METTL25: variants seen among roughly 807,000 people sequenced by gnomAD.
METTL25 encodes the protein methyltransferase like 25.
In METTL25, 64 loss-of-function variants were observed where a neutral mutation model predicts 71.6. The observed-to-expected ratio is 0.89, with a 90% CI of 0.73 to 1.10. METTL25 has a LOEUF of 1.10. METTL25 is among the 50% of genes least tolerant of loss of function. The probability of loss-of-function intolerance (pLI) is 0.00; values close to 1 mark genes in which losing one functional copy is unlikely to be tolerated. For synonymous variants in METTL25, 287 were observed against 250.3 expected (o/e 1.15, Z -1.38); for missense variants, 807 against 707.0 (o/e 1.14, Z -1.60).
intron 2 of METTL25, among the ~76,000 whole-genome samples, chr12:82,388,032 G>A (rs1006431848): frequency 1.3e-5 from 2 of 151,724 alleles, no homozygotes; most frequent in African/African-American, 4.8e-5. Context: ...ATCTTAAATC[G>A]TTTCTTACCC....
At chr12:82,380,505 A>T (rs1340888486) in intron 1 of METTL25, among the ~76,000 whole-genome samples, 1 of 152,182 alleles carries the variant, frequency 6.6e-6, no homozygotes, top group Non-Finnish European at 1.5e-5. Context: ...ATGTGTATAT[A>T]TGTATTTGTT....
At chr12:82,412,820 A>G (rs913074643) in intron 5 of METTL25, among the ~76,000 whole-genome samples, 1 of 152,054 alleles carries the variant, frequency 6.6e-6, no homozygotes, top group Non-Finnish European at 1.5e-5. Flanking sequence ...CCAGTTTCTC[A>G]GTGGAATCTC....
chr12:82,457,083 A>G (rs778231179), intron 9 of METTL25, among the ~76,000 whole-genome samples: 1 of 151,984 alleles, frequency 6.6e-6, no homozygotes, highest in African/African-American at 2.4e-5. Flanking sequence ...AAATACAGTT[A>G]AAAAGCAGGA....
In METTL25 at chr12:82,464,035, A is replaced by G. The variant is rs76930098; in HGVS notation, c.1572+7215A>G. On this transcript the variant is annotated intron_variant, in intron 9 of 11. Transcript: ENST00000248306. ...TTCCCAGTTGGATGAAGAGTTTACA[A>G]ATATTTTCTTCTAGTCTGTAGATTG... Among the ~76,000 whole-genome samples, 22 of 152,048 alleles carry G rather than the reference A, an allele frequency of 1.4e-4. No individual in the cohort carries two copies. In the East Asian group the frequency reaches 3.9e-3, roughly 27 times the overall value.
intron 1 of METTL25, among the ~76,000 whole-genome samples, chr12:82,368,777 G>C (rs541092998): frequency 1.3e-5 from 2 of 152,102 alleles, no homozygotes; most frequent in Non-Finnish European, 2.9e-5. Context: ...CATGTTGAAG[G>C]GCTGTGTCAA....
intron 9 of METTL25, among the ~76,000 whole-genome samples, chr12:82,463,875 G>A (rs1400211991): frequency 6.6e-6 from 1 of 151,818 alleles, no homozygotes. Flanking sequence ...CTGGCCATTT[G>A]TATGTCTTCT....
intron 5 of METTL25, among the ~76,000 whole-genome samples, chr12:82,405,847 C>T (rs1299239808): frequency 6.6e-6 from 1 of 152,106 alleles, no homozygotes; most frequent in Non-Finnish European, 1.5e-5. Flanking sequence ...TTCACTCAAA[C>T]GTGATTGAAT....
intron 5 of METTL25, among the ~76,000 whole-genome samples, chr12:82,404,706 G>T (rs1045247596): frequency 1.3e-5 from 2 of 152,116 alleles, no homozygotes; most frequent in Non-Finnish European, 2.9e-5. Context: ...AATTTGGGAG[G>T]CCGAGGCAGG....
At chr12:82,410,427 TG>T (rs1187432616) in intron 5 of METTL25, among the ~76,000 whole-genome samples, 1 of 152,110 alleles carries the variant, frequency 6.6e-6, no homozygotes, top group Admixed American at 6.6e-5. Flanking sequence ...TTTACTGCTA[TG>T]GGCTTTTAAT....
Position 82,377,704 on chromosome 12 carries a change from ATTGT to A in METTL25, c.260-9094_260-9091del, listed in dbSNP as rs543334813. 3.3e-5 allele frequency among the ~76,000 whole-genome samples: 5 copies of A among 152,328 alleles called. No individual in the cohort carries two copies. In the South Asian group the frequency reaches 1.0e-3, roughly 32 times the overall value. On this transcript the variant is annotated intron_variant, in intron 1 of 11. Transcript: ENST00000248306. ...ATCAAGAGAAAAAACAGTTAATTGA[ATTGT>A]TTGTCGTAATTTAACATTGTGTGAG...
At chr12:82,379,036 GACA>G (rs201634791) in intron 1 of METTL25, among the ~76,000 whole-genome samples, 1,540 of 152,126 alleles carry the variant, frequency 0.01, 18 homozygotes, top group African/African-American at 0.036. Flanking sequence ...TTTCTCAAAA[GACA>G]ACAACAGCAA....
At chr12:82,426,046 A>G (rs1490658694) in intron 5 of METTL25, among the ~76,000 whole-genome samples, 2 of 152,240 alleles carry the variant, frequency 1.3e-5, no homozygotes, top group Middle Eastern at 3.4e-3. Flanking sequence ...ATATGGGTAT[A>G]TGAATGCAAA....
intron 8 of METTL25, among the ~76,000 whole-genome samples, chr12:82,444,940 AC>A (rs1177811870): frequency 6.6e-6 from 1 of 152,122 alleles, no homozygotes; most frequent in Non-Finnish European, 1.5e-5. Context: ...CTGGAACAAC[AC>A]AGAGTTGAAT....
intron 5 of METTL25, among the ~76,000 whole-genome samples, chr12:82,429,435 C>G (rs1889314595): frequency 6.6e-6 from 1 of 150,888 alleles, no homozygotes; most frequent in African/African-American, 2.4e-5. Flanking sequence ...TTTTCCTTAC[C>G]TATATCTATT....
chr12:82,470,006 C>T (rs1243704746), intron 9 of METTL25, among the ~76,000 whole-genome samples: 1 of 152,190 alleles, frequency 6.6e-6, no homozygotes, highest in African/African-American at 2.4e-5. Flanking sequence ...CCCTCTCCAA[C>T]ATGAACGCTT....
intron 5 of METTL25, among the ~76,000 whole-genome samples, chr12:82,421,192 ATGGTTGCAGAATTGAGAT>A (rs1888453968): frequency 6.6e-6 from 1 of 152,126 alleles, no homozygotes; most frequent in Non-Finnish European, 1.5e-5. Flanking sequence ...AAAGATCATC[ATGGTTGCAGAATTGAGAT>A]TGGAATACAA....
chr12:82,358,886 C>T (rs1271882956), intron 1 of METTL25, 62 bp downstream of exon 1: 5 of 1,536,814 alleles, frequency 3.3e-6, no homozygotes, highest in Non-Finnish European at 4.4e-6. Flanking sequence ...GCAGACGAAG[C>T]GAGCCCCCTG....
intron 9 of METTL25, among the ~76,000 whole-genome samples, chr12:82,464,891 T>C (rs1414604211): frequency 4.6e-5 from 1 of 21,648 alleles, no homozygotes; most frequent in Non-Finnish European, 2.1e-4. Flanking sequence ...AATTGACTTC[T>C]TGATTTTTTT....
At chr12:82,388,142 G>T (rs1312940266) in intron 2 of METTL25, among the ~76,000 whole-genome samples, 14 of 151,910 alleles carry the variant, frequency 9.2e-5, no homozygotes, top group South Asian at 2.1e-4. Flanking sequence ...TTTTTGATAG[G>T]AGTACTACTC....
Sources: allele counts gnomAD v4.1 joint callset (sites outside exome capture counted in the v4.1 genomes callset), GRCh38; gene constraint gnomAD v4.1.1; transcripts MANE v1.5; gene names NCBI Gene and HGNC (gene_info 2026-07-23, HGNC 2026-07-21).